Variants in MAGI2 observed in about 807,000 individuals in gnomAD.
MAGI2 encodes the protein membrane-associated guanylate kinase, WW and PDZ domain-containing protein 2.
In MAGI2, 35 loss-of-function variants were observed where a neutral mutation model predicts 133.3. That is an observed-to-expected ratio of 0.26 (90% CI 0.20 to 0.35). MAGI2 has a LOEUF of 0.35. MAGI2 is among the 10% of genes least tolerant of loss of function. The pLI, the probability that MAGI2 is intolerant of heterozygous loss-of-function variation, is 1.00. For synonymous variants in MAGI2, 729 were observed against 710.6 expected, an observed-to-expected ratio of 1.03 and a Z score of -0.41; for missense variants, 1,636 against 1,863.4, an observed-to-expected ratio of 0.88 and a Z score of 2.25.
At chr7:78,489,465 C>T (rs947340717) in intron 6 of MAGI2, among the ~76,000 whole-genome samples, 2 of 151,978 alleles carry the variant, frequency 1.3e-5, no homozygotes, top group Non-Finnish European at 2.9e-5. Flanking sequence ...CTCAGAGCGA[C>T]GTATTGCAAA....
chr7:79,351,603 A>T (rs1220644370), intron 1 of MAGI2, among the ~76,000 whole-genome samples: 3 of 152,214 alleles, frequency 2.0e-5, no homozygotes, highest in Non-Finnish European at 2.9e-5. Context: ...GTTGAAGTAG[A>T]TTATTTTAAT....
chr7:79,450,329 A>C (rs1163376834), intron 1 of MAGI2, among the ~76,000 whole-genome samples: 1 of 151,240 alleles, frequency 6.6e-6, no homozygotes. Context: ...ACTATAGTAA[A>C]GGTTCTGAAA....
In MAGI2 at chr7:78,352,128, T is replaced by C. The variant is rs10264192; in HGVS notation, c.1104-6085A>G. On this transcript the variant is annotated intron_variant, in intron 7 of 21. Coordinates refer to ENST00000354212, the MANE Select transcript of MAGI2 (RefSeq NM_012301.4). The stretch of plus-strand genomic sequence containing the variant: ...CTGGATGTAAGTACTCAGTCAATGC[T>C]AACTATCATCATTCATCGCATATTT... 3.4e-3 allele frequency among the ~76,000 whole-genome samples: 514 copies of C among 152,360 alleles called. 5 individuals carry two copies. Among genetic ancestry groups the C allele is most frequent in the African/African-American group, 0.011 (468 of 41,574 alleles).
At chr7:78,362,895 G>A (rs772172493) in intron 7 of MAGI2, among the ~76,000 whole-genome samples, 4 of 152,036 alleles carry the variant, frequency 2.6e-5, no homozygotes, top group Non-Finnish European at 5.9e-5. Flanking sequence ...GCATCGCTTC[G>A]ACCTTATCAG....
At chr7:78,597,607 T>C (rs989338048) in intron 3 of MAGI2, among the ~76,000 whole-genome samples, 1 of 152,196 alleles carries the variant, frequency 6.6e-6, no homozygotes. Context: ...CATCACTAAA[T>C]GGTTTAAATA....
intron 9 of MAGI2, among the ~76,000 whole-genome samples, chr7:78,305,454 C>A (rs1798176315): frequency 6.6e-6 from 1 of 152,086 alleles, no homozygotes; most frequent in African/African-American, 2.4e-5. Flanking sequence ...GTGCCAGGTG[C>A]TCAGTAAATA....
At chr7:78,889,431 A>G (rs1796552605) in intron 2 of MAGI2, among the ~76,000 whole-genome samples, 1 of 152,250 alleles carries the variant, frequency 6.6e-6, no homozygotes, top group Non-Finnish European at 1.5e-5. Context: ...TAATTGTCAG[A>G]TTCAGCAAAG....
At position 78,024,022 on chromosome 7, in the gene MAGI2, C is replaced by A. The variant is rs1286213955; in HGVS notation, c.3707-4046G>T. 2.0e-5 allele frequency among the ~76,000 whole-genome samples: 3 copies of A among 152,154 alleles called. No homozygotes were observed. The East Asian group carries it at 5.8e-4, about 29-fold the overall frequency. On this transcript the variant is annotated intron_variant, in intron 21 of 21. Coordinates refer to ENST00000354212, the MANE Select transcript of MAGI2 (RefSeq NM_012301.4). ...TACCAGTTCATATAAGGGACTTGAG[C>A]ATCTGAACATTTTGATATTTGTGGG...
intron 2 of MAGI2, among the ~76,000 whole-genome samples, chr7:78,779,638 A>C (rs1038210094): frequency 7.2e-5 from 11 of 152,226 alleles, no homozygotes; most frequent in African/African-American, 2.7e-4. Flanking sequence ...CTTCTCTTCG[A>C]AACACAGATA....
At position 79,453,568 on chromosome 7, in the gene MAGI2, C is replaced by G. The variant is rs1165141240; in HGVS notation, c.-248G>C. 1.7e-6 allele frequency: 2 copies of G among 1,206,768 alleles called. No homozygotes were observed. The highest frequency in any genetic ancestry group is 9.0e-5 in the Admixed American group (2 of 22,284). The allele number at this position is 1,206,768 out of a possible 1,614,324, so 74.8% of individuals were successfully genotyped here. ...GTTGTGCTGTCCCTTGAATGACACTCAAGGCTGTGGCCCCGCAGCAGAGGA... is the reference window on the plus strand; with the variant it reads ...GTTGTGCTGTCCCTTGAATGACACTGAAGGCTGTGGCCCCGCAGCAGAGGA... On this transcript the variant is annotated 5_prime_UTR_variant, in exon 1 of 22. Transcript: ENST00000354212.
rs551829900 is a variant in MAGI2 at position 78,532,260 on chromosome 7, C to T, written c.539-10615G>A. Among the ~76,000 whole-genome samples the T allele has an allele frequency of 2.0e-5, 3 of 152,314 alleles. No homozygotes were observed. In the South Asian group the frequency reaches 6.2e-4, roughly 32 times the overall value. ...TTTTCTTTTTCATCATATTAGAAAG[C>T]CCTGAATTGACAATGAATAGAGAAT... On this transcript the variant is annotated intron_variant, in intron 3 of 21. Coordinates refer to ENST00000354212, the MANE Select transcript of MAGI2 (RefSeq NM_012301.4).
intron 21 of MAGI2, among the ~76,000 whole-genome samples, chr7:78,069,825 C>T (rs1408534004): frequency 6.6e-6 from 1 of 151,928 alleles, no homozygotes; most frequent in Non-Finnish European, 1.5e-5. Flanking sequence ...AAGCAGCCCT[C>T]TTGCGGGAGA....
intron 15 of MAGI2, among the ~76,000 whole-genome samples, chr7:78,167,362 G>C (rs548546588): frequency 6.6e-6 from 1 of 152,298 alleles, no homozygotes; most frequent in Admixed American, 6.5e-5. Context: ...TGAGAAAATG[G>C]TTGTAAAGGG....
chr7:78,837,979 G>T (rs1424966950), intron 2 of MAGI2, among the ~76,000 whole-genome samples: 1 of 152,038 alleles, frequency 6.6e-6, no homozygotes, highest in East Asian at 1.9e-4. Context: ...TTTTAGCTGG[G>T]TACTGTAGAT....
intron 1 of MAGI2, among the ~76,000 whole-genome samples, chr7:79,274,254 G>C (rs1835077341): frequency 6.6e-6 from 1 of 152,092 alleles, no homozygotes; most frequent in African/African-American, 2.4e-5. Context: ...TACCTGGAAG[G>C]CTTAGTAAAA....
At chr7:79,401,739 G>C (rs1563190165) in intron 1 of MAGI2, among the ~76,000 whole-genome samples, 1 of 152,008 alleles carries the variant, frequency 6.6e-6, no homozygotes. Context: ...TTTTTAAAAT[G>C]ACACCTATAT....
At chr7:79,108,708 T>C (rs1818651598) in intron 1 of MAGI2, among the ~76,000 whole-genome samples, 1 of 152,192 alleles carries the variant, frequency 6.6e-6, no homozygotes, top group African/African-American at 2.4e-5. Flanking sequence ...GAAAAGTGAC[T>C]TGATATAGTT....
At chr7:78,540,555 G>A (rs546456261) in intron 3 of MAGI2, among the ~76,000 whole-genome samples, 51 of 152,230 alleles carry the variant, frequency 3.4e-4, no homozygotes, top group Non-Finnish European at 6.2e-4. Context: ...CTCCCCACCT[G>A]CCATGACTTA....
chr7:79,063,051 C>T (rs752904538), intron 1 of MAGI2, among the ~76,000 whole-genome samples: 11 of 152,032 alleles, frequency 7.2e-5, no homozygotes, highest in Non-Finnish European at 1.0e-4. Flanking sequence ...TTCTACAAAC[C>T]CTAAATCTAA....
Sources: allele counts gnomAD v4.1 joint callset (sites outside exome capture counted in the v4.1 genomes callset), GRCh38; gene constraint gnomAD v4.1.1; transcripts MANE v1.5; gene names NCBI Gene and HGNC (gene_info 2026-07-23, HGNC 2026-07-21).